The following TRPS1 variants were observed in gnomAD, a reference collection of about 807,000 sequenced individuals.
The protein encoded by TRPS1 is transcriptional repressor GATA binding 1, also known as zinc finger transcription factor Trps1.
In TRPS1, 6 loss-of-function variants were observed where a neutral mutation model predicts 101.2. The observed-to-expected ratio is 0.06, with a 90% CI of 0.03 to 0.12. The LOEUF (loss-of-function observed/expected upper bound fraction) is 0.12, where lower values mean the gene tolerates loss of function less well. Ranked by LOEUF, TRPS1 falls within the 10% of genes least tolerant of loss-of-function variation. The probability of loss-of-function intolerance (pLI) is 1.00; values close to 1 mark genes in which losing one functional copy is unlikely to be tolerated. For missense variants in TRPS1, 1,363 were observed against 1,567.0 expected, an observed-to-expected ratio of 0.87 and a Z score of 2.20; for synonymous variants, 578 against 589.8, an observed-to-expected ratio of 0.98 and a Z score of 0.29.
intron 4 of TRPS1, among the ~76,000 whole-genome samples, chr8:115,594,378 CAGTT>C (rs926504330): frequency 6.6e-6 from 1 of 151,990 alleles, no homozygotes; most frequent in African/African-American, 2.4e-5. Context: ...ACAGAATGCT[CAGTT>C]AAATTTAAAT....
intron 4 of TRPS1, among the ~76,000 whole-genome samples, chr8:115,598,185 G>A (rs116136046): frequency 0.016 from 2,459 of 152,020 alleles, 54 homozygotes; most frequent in African/African-American, 0.056. Context: ...TGGAAGTTAT[G>A]CATTCATTTC....
At chr8:115,475,266 T>TTATA (rs33922102) in intron 5 of TRPS1, among the ~76,000 whole-genome samples, 2,569 of 123,470 alleles carry the variant, frequency 0.021, 34 homozygotes, top group African/African-American at 0.036. Flanking sequence ...TGAATCACAG[T>TTATA]TATATATATA....
At chr8:115,613,002 A>G (rs1420582222) in intron 3 of TRPS1, among the ~76,000 whole-genome samples, 3 of 151,992 alleles carry the variant, frequency 2.0e-5, no homozygotes, top group Non-Finnish European at 4.4e-5. Context: ...ATCTGCATGG[A>G]AAAAAAACAA....
chr8:115,597,662 T>C (rs1384120012), intron 4 of TRPS1, among the ~76,000 whole-genome samples: 1 of 152,120 alleles, frequency 6.6e-6, no homozygotes. Context: ...CCTAAAACTT[T>C]ATCATTGTGA....
chr8:115,578,861 C>T (rs1308217243), intron 5 of TRPS1, among the ~76,000 whole-genome samples: 1 of 152,004 alleles, frequency 6.6e-6, no homozygotes, highest in Non-Finnish European at 1.5e-5. Flanking sequence ...TTTGTACATA[C>T]ACACATAAAA....
chr8:115,533,666 T>C (rs757161617), intron 5 of TRPS1, among the ~76,000 whole-genome samples: 3 of 152,046 alleles, frequency 2.0e-5, no homozygotes, highest in African/African-American at 7.2e-5. Flanking sequence ...TGTCTTAGTC[T>C]GCTTGGGCTG....
intron 3 of TRPS1, among the ~76,000 whole-genome samples, chr8:115,618,688 A>AT (rs1818321360): frequency 6.6e-6 from 1 of 152,252 alleles, no homozygotes; most frequent in African/African-American, 2.4e-5. Flanking sequence ...GGATGAATAT[A>AT]AAATCAAATC....
At chr8:115,668,397 C>T (rs1462547600) in intron 1 of TRPS1, 148 bp downstream of exon 1, 1 of 140,330 alleles carries the variant, frequency 7.1e-6, no homozygotes, top group Non-Finnish European at 1.5e-5. Context: ...CCCAGGGCTC[C>T]CCGCTCGCGA....
At position 115,418,423 on chromosome 8, in the gene TRPS1, G is replaced by T; in HGVS notation, c.2730C>A (p.Ala910=). Residue 910 remains alanine, a synonymous_variant, in exon 6 of 7, where the codon GCC becomes GCA. Coordinates refer to ENST00000395715, the MANE Select transcript of TRPS1 (RefSeq NM_014112.5). The surrounding 1 kb of genome is among the most constrained non-coding windows in gnomAD (Gnocchi z 4.3). ...RRRRGSGVFC[A]NCLTTKTSLW... ...GAGAGGTCTTTGTGGTCAGGCAATT[G>T]GCACAAAAAACACCGGAGCCTCTAC... 6.2e-7 allele frequency: 1 copy of T among 1,614,086 alleles called. No individual in the cohort carries two copies. The highest frequency in any genetic ancestry group is 1.1e-5 in the South Asian group (1 of 91,080).
At position 115,622,079 on chromosome 8, in the gene TRPS1, G is replaced by A. The variant is rs192794238; in HGVS notation, c.37+1522C>T. On this transcript the variant is annotated intron_variant, in intron 2 of 6. Coordinates refer to ENST00000395715, the MANE Select transcript of TRPS1 (RefSeq NM_014112.5). ...TGAAGTTTCAAGTGAAAGTGTTGGC[G>A]TTGAGGCAATGTAAACCTGACTGAC... Among the ~76,000 whole-genome samples the A allele has an allele frequency of 1.3e-4, 20 of 152,268 alleles. No homozygotes were observed. The East Asian group carries it at 1.4e-3, about 10-fold the overall frequency.
Position 115,587,143 on chromosome 8 carries a change from C to A in TRPS1, c.2558G>T (p.Arg853Leu). Residue 853 changes from arginine (R) to leucine (L), a missense_variant, in exon 5 of 7, where the codon CGA (arginine) becomes CTA (leucine). Transcript: ENST00000395715. ...SPNVEAAHLA[R>L]PIYGLAVETK... is the part of the protein sequence containing the mutation. ...TTCCACAGCCAAGCCATAAATAGGTCGCGCCAGATGGGCGGCCTCCACATT... is the reference window on the plus strand; with the variant it reads ...TTCCACAGCCAAGCCATAAATAGGTAGCGCCAGATGGGCGGCCTCCACATT... 1 of 1,614,112 alleles carries A rather than the reference C, an allele frequency of 6.2e-7. No homozygotes were observed. The highest frequency in any genetic ancestry group is 1.1e-5 in the South Asian group (1 of 91,076).
At chr8:115,465,536 T>C (rs1271384879) in intron 5 of TRPS1, among the ~76,000 whole-genome samples, 2 of 152,134 alleles carry the variant, frequency 1.3e-5, no homozygotes, top group African/African-American at 2.4e-5. Flanking sequence ...TATTCTCTTA[T>C]GTACGTTCAT....
intron 4 of TRPS1, among the ~76,000 whole-genome samples, chr8:115,596,654 T>C (rs1817791713): frequency 1.3e-5 from 2 of 151,778 alleles, no homozygotes; most frequent in South Asian, 4.1e-4. Context: ...TACATGAGTA[T>C]CATATACATA....
intron 5 of TRPS1, among the ~76,000 whole-genome samples, chr8:115,423,105 A>G (rs1813108478): frequency 6.6e-6 from 1 of 152,212 alleles, no homozygotes; most frequent in Non-Finnish European, 1.5e-5. Flanking sequence ...GTTTGAACAG[A>G]GGGCAAGAGT....
chr8:115,514,371 G>A (rs888633941), intron 5 of TRPS1, among the ~76,000 whole-genome samples: 1 of 151,680 alleles, frequency 6.6e-6, no homozygotes, highest in African/African-American at 2.4e-5. Context: ...CGTCAGCTGT[G>A]TAATGTTTCA....
chr8:115,604,501 T>G lies in TRPS1; in HGVS notation c.1468A>C (p.Arg490=). 6.2e-7 allele frequency: 1 copy of G among 1,614,110 alleles called. No individual in the cohort carries two copies. The highest frequency in any genetic ancestry group is 1.6e-4 in the Middle Eastern group (1 of 6,062). The part of the protein sequence containing the change: ...LNPELNDKLS[R]GSVINQNDLA... Reference sequence around the variant, plus strand: ...TCATTCTGATTAATGACAGAGCCCCTGGAAAGCTTATCATTTAACTCTGGA... The same window carrying G: ...TCATTCTGATTAATGACAGAGCCCCGGGAAAGCTTATCATTTAACTCTGGA... Residue 490 remains arginine, a synonymous_variant, in exon 4 of 7, where the codon AGG becomes CGG. Transcript: ENST00000395715. The surrounding 1 kb of genome is among the most constrained non-coding windows in gnomAD (Gnocchi z 4.1).
At chr8:115,663,481 C>T (rs1223370038) in intron 1 of TRPS1, among the ~76,000 whole-genome samples, 1 of 151,772 alleles carries the variant, frequency 6.6e-6, no homozygotes, top group Non-Finnish European at 1.5e-5. Context: ...GTATTTACTG[C>T]AGGTTTTTAA....
At chr8:115,492,843 A>C (rs1301269409) in intron 5 of TRPS1, among the ~76,000 whole-genome samples, 1 of 151,862 alleles carries the variant, frequency 6.6e-6, no homozygotes, top group African/African-American at 2.4e-5. Flanking sequence ...CCTCCCGAGT[A>C]GCTGAGACTA....
Position 115,625,702 on chromosome 8 carries a change from G to C in TRPS1, c.-121-1944C>G, listed in dbSNP as rs118010216. 6.4e-3 allele frequency among the ~76,000 whole-genome samples: 971 copies of C among 151,972 alleles called. 1 individual carries two copies. The highest frequency in any genetic ancestry group is 0.011 in the Non-Finnish European group (729 of 67,810). ...CTCCTCAAGGAAAACTGACACTTCTGAGTATCTTTCTAAATATAATTTCAT... is the reference window on the plus strand; with the variant it reads ...CTCCTCAAGGAAAACTGACACTTCTCAGTATCTTTCTAAATATAATTTCAT... On this transcript the variant is annotated intron_variant, in intron 1 of 6. Coordinates refer to ENST00000395715, the MANE Select transcript of TRPS1 (RefSeq NM_014112.5).
Sources: allele counts gnomAD v4.1 joint callset (sites outside exome capture counted in the v4.1 genomes callset), GRCh38; gene constraint gnomAD v4.1.1; non-coding constraint Gnocchi (gnomAD v3.1); transcripts MANE v1.5; gene names NCBI Gene and HGNC (gene_info 2026-07-23, HGNC 2026-07-21).